The following R3HDM1 variants were observed in gnomAD, a reference collection of about 807,000 sequenced individuals.
The protein encoded by R3HDM1 is R3H domain containing 1.
R3HDM1 carries 46 observed loss-of-function variants against 141.1 expected under a neutral mutation model. The ratio of observed to expected loss-of-function variants is 0.33; its 90% CI spans 0.26 to 0.42. The LOEUF (loss-of-function observed/expected upper bound fraction) is 0.42. R3HDM1 is among the 10% of genes least tolerant of loss of function. The pLI, the probability that R3HDM1 is intolerant of heterozygous loss-of-function variation, is 1.00. For missense variants in R3HDM1, 1,184 were observed against 1,368.3 expected, an observed-to-expected ratio of 0.87 and a Z score of 2.12; for synonymous variants, 435 against 472.9, an observed-to-expected ratio of 0.92 and a Z score of 1.04.
At chr2:135,608,712 G>C (rs1290659416) in intron 3 of R3HDM1, among the ~76,000 whole-genome samples, 2 of 152,152 alleles carry the variant, frequency 1.3e-5, no homozygotes, top group Non-Finnish European at 2.9e-5. Context: ...ATCTTAAATA[G>C]CAACTGCTGT....
intron 21 of R3HDM1, among the ~76,000 whole-genome samples, chr2:135,693,048 C>T (rs2072690307): frequency 1.3e-5 from 2 of 151,734 alleles, no homozygotes; most frequent in African/African-American, 4.8e-5. Context: ...ATATTTGAGG[C>T]TTTGTAAGCC....
At chr2:135,539,478 T>C (rs1413472134) in intron 1 of R3HDM1, among the ~76,000 whole-genome samples, 2 of 152,214 alleles carry the variant, frequency 1.3e-5, no homozygotes, top group East Asian at 3.8e-4. Flanking sequence ...CATTGTTGAC[T>C]GAAATGTCAT....
At chr2:135,680,107 A>G in intron 20 of R3HDM1, 66 bp from the exon 21 acceptor site, 1 of 1,476,998 alleles carries the variant, frequency 6.8e-7, no homozygotes, top group Non-Finnish European at 9.3e-7. Context: ...TGGAGGTTGA[A>G]AACATAAACA....
In R3HDM1 at chr2:135,636,078, T is replaced by C; in HGVS notation, c.808-10T>C. The stretch of plus-strand genomic sequence containing the variant: ...GTTCATTTGCCTAAAAATTATCCTC[T>C]TTTCTGTAGATGAGAATACGTTTGA... On this transcript the variant is annotated splice_polypyrimidine_tract_variant and intron_variant, in intron 10 of 26. Transcript: ENST00000683871. 6.2e-7 allele frequency: 1 copy of C among 1,611,990 alleles called. No homozygotes were observed.
chr2:135,599,617 T>C lies in R3HDM1; in HGVS notation c.-249-2883T>C, dbSNP rs1348611535. On this transcript the variant is annotated intron_variant, in intron 1 of 26. Transcript: ENST00000683871. ...CGTGCCCACACAACCTTTGGCAAAC[T>C]GAGAAGTGTAGGCTTCATGGGTTTA... 4.6e-5 allele frequency among the ~76,000 whole-genome samples: 7 copies of C among 152,220 alleles called. No individual in the cohort carries two copies. The East Asian group carries it at 1.2e-3, about 25-fold the overall frequency.
rs557699009 is a variant in R3HDM1, at chr2:135,593,022, C to T, written c.-249-9478C>T. ...GCAACCTGTGCCTCCTGGATTGAAG[C>T]GATTCTCCTGCCTCAGCCTTCCAAA... On this transcript the variant is annotated intron_variant, in intron 1 of 26. Coordinates refer to ENST00000683871, the MANE Select transcript of R3HDM1 (RefSeq NM_001378107.1). Among the ~76,000 whole-genome samples the T allele has an allele frequency of 9.5e-4, 145 of 152,058 alleles. No homozygotes were observed. In the South Asian group the frequency reaches 0.014, roughly 14 times the overall value.
chr2:135,537,676 A>ATTTTATTTTATTTTT (rs1559078657), intron 1 of R3HDM1, among the ~76,000 whole-genome samples: 1 of 138,504 alleles, frequency 7.2e-6, no homozygotes. Flanking sequence ...ATTTTATTTT[A>ATTTTATTTTATTTTT]CTTAGAGTCT....
chr2:135,618,039 TTTTATTGCTTGAAAATGCAAGGAAAATG>T (rs2061197435), intron 5 of R3HDM1, among the ~76,000 whole-genome samples: 1 of 152,214 alleles, frequency 6.6e-6, no homozygotes, highest in African/African-American at 2.4e-5. Context: ...AAGCACTACA[TTTTATTGCTTGAAAATGCAAGGAAAATG>T]TTTTGAAATA....
intron 17 of R3HDM1, chr2:135,651,392 G>A (rs1189129876): frequency 4.1e-6 from 4 of 983,014 alleles, no homozygotes; most frequent in Non-Finnish European, 4.8e-6. Flanking sequence ...TGTATAATAT[G>A]AACTTGGCCA....
chr2:135,683,261 T>A (rs1293437693), intron 21 of R3HDM1, among the ~76,000 whole-genome samples: 1 of 151,714 alleles, frequency 6.6e-6, no homozygotes, highest in Non-Finnish European at 1.5e-5. Context: ...TGTACAGAAT[T>A]AAAGTTCTCT....
rs568206760 is a variant in R3HDM1, at chr2:135,631,964, A to T, written c.661A>T (p.Lys221Ter). The change falls in exon 9 of 27, where the codon AAG becomes TAG. Residue 221 changes from lysine to a stop codon, truncating the protein, a stop_gained. Transcript: ENST00000683871. LOFTEE classifies it high-confidence loss of function. The part of the protein sequence containing the change: ...GLDHNVDQSG[K>*]SVIVNKTSNT... ...AGACCACAATGTTGATCAGAGTGGGAAGTCTGTCATAGTAAACAAAACTAG... is the reference window on the plus strand; with the variant it reads ...AGACCACAATGTTGATCAGAGTGGGTAGTCTGTCATAGTAAACAAAACTAG... 1 of 1,611,848 alleles carries T rather than the reference A, an allele frequency of 6.2e-7. No individual in the cohort carries two copies. The highest frequency in any genetic ancestry group is 2.2e-5 in the East Asian group (1 of 44,778).
chr2:135,572,647 C>T (rs1251077192), intron 1 of R3HDM1, among the ~76,000 whole-genome samples: 1 of 152,176 alleles, frequency 6.6e-6, no homozygotes, highest in Non-Finnish European at 1.5e-5. Context: ...CCCAACAAGT[C>T]AACCCAGATA....
intron 20 of R3HDM1, among the ~76,000 whole-genome samples, chr2:135,676,219 G>C (rs2069153791): frequency 6.6e-6 from 1 of 152,086 alleles, no homozygotes; most frequent in Admixed American, 6.5e-5. Flanking sequence ...CAGCTACTCG[G>C]GAAGCTGAGG....
At chr2:135,634,979 T>C (rs950477995) in intron 9 of R3HDM1, among the ~76,000 whole-genome samples, 1 of 152,200 alleles carries the variant, frequency 6.6e-6, no homozygotes, top group South Asian at 2.1e-4. Flanking sequence ...GGCCACAACC[T>C]TGTGTTTGTC....
At chr2:135,675,606 A>G (rs2069052738) in intron 20 of R3HDM1, 120 bp downstream of exon 20, 17 of 1,013,894 alleles carry the variant, frequency 1.7e-5, no homozygotes, top group South Asian at 5.1e-5. Context: ...GTAATATACA[A>G]CCTTTTAATA....
chr2:135,602,490 T>C lies in R3HDM1; in HGVS notation c.-249-10T>C, dbSNP rs2059705561. 2 of 1,266,702 alleles carry C rather than the reference T, an allele frequency of 1.6e-6. No individual in the cohort carries two copies. The highest frequency in any genetic ancestry group is 2.0e-6 in the Non-Finnish European group (2 of 997,480). The allele number at this position is 1,266,702 out of a possible 1,614,324, so 78.5% of individuals were successfully genotyped here. A position where few individuals can be genotyped will look rare whatever the true frequency, so the allele number is the denominator to read the frequency against. On this transcript the variant is annotated splice_polypyrimidine_tract_variant and intron_variant, in intron 1 of 26. Transcript: ENST00000683871. ...TTTTGTTAAAATGGTTTCTTTTGTTTTCATTTTAGGCCACGGAAAGGTATG... is the reference window on the plus strand; with the variant it reads ...TTTTGTTAAAATGGTTTCTTTTGTTCTCATTTTAGGCCACGGAAAGGTATG...
chr2:135,567,903 CTTTTTTT>C (rs562748072), intron 1 of R3HDM1, among the ~76,000 whole-genome samples: 2 of 73,820 alleles, frequency 2.7e-5, no homozygotes, highest in African/African-American at 6.2e-5. Context: ...CCACACCTGG[CTTTTTTT>C]TTTTTTTTTT....
At chr2:135,611,039 G>C (rs2060489081) in intron 3 of R3HDM1, among the ~76,000 whole-genome samples, 1 of 151,812 alleles carries the variant, frequency 6.6e-6, no homozygotes, top group East Asian at 1.9e-4. Flanking sequence ...GAGAGTTCAA[G>C]GCTGCAGTGA....
intron 1 of R3HDM1, among the ~76,000 whole-genome samples, chr2:135,579,470 A>T (rs992816699): frequency 1.3e-5 from 2 of 152,182 alleles, no homozygotes; most frequent in African/African-American, 4.8e-5. Context: ...TAAATATTGC[A>T]TGCAAGAACT....
Sources: gnomAD v4.1 joint callset for allele counts (sites outside exome capture counted in the v4.1 genomes callset) on GRCh38, gnomAD v4.1.1 for gene constraint, MANE v1.5 for transcripts, NCBI Gene and HGNC (gene_info 2026-07-23, HGNC 2026-07-21) for gene names.